Variants in ADAM9 observed in about 807,000 individuals in gnomAD.
ADAM9 encodes ADAM metallopeptidase domain 9, also known as disintegrin and metalloproteinase domain-containing protein 9.
Under a neutral mutation model 108.1 loss-of-function variants are expected in ADAM9, and 54 were observed. The observed-to-expected ratio is 0.50, with a 90% CI of 0.40 to 0.63. The LOEUF (loss-of-function observed/expected upper bound fraction) is 0.63, where lower values mean the gene tolerates loss of function less well. Among genes scored for constraint, ADAM9 ranks in the 20% least tolerant of loss-of-function variants. The pLI is 0.00. For missense variants in ADAM9, 830 were observed against 997.7 expected (o/e 0.83, Z 2.26); for synonymous variants, 316 against 336.0 (o/e 0.94, Z 0.65).
intron 14 of ADAM9, among the ~76,000 whole-genome samples, chr8:39,060,940 A>G (rs1316076697): frequency 6.6e-6 from 1 of 152,232 alleles, no homozygotes; most frequent in Non-Finnish European, 1.5e-5. Flanking sequence ...ACCATGTATT[A>G]GGGGATGTGT....
At chr8:39,014,281 C>A in intron 4 of ADAM9, 1 of 561,698 alleles carries the variant, frequency 1.8e-6, no homozygotes, top group Non-Finnish European at 3.1e-6. Context: ...GAAAATAAAT[C>A]TTCTATTTAA....
At chr8:39,051,097 C>G (rs899794053) in intron 12 of ADAM9, among the ~76,000 whole-genome samples, 1 of 152,088 alleles carries the variant, frequency 6.6e-6, no homozygotes, top group Admixed American at 6.5e-5. Flanking sequence ...CTAGTTTAAC[C>G]TACTACCTTT....
chr8:39,042,924 T>C lies in ADAM9; in HGVS notation c.1302+807T>C, dbSNP rs561498084. ...TGATCGGCAGCTCCCCATTTTCCATTCCACAAGCCCCTGACCACCACTATT... is the reference window on the plus strand; with the variant it reads ...TGATCGGCAGCTCCCCATTTTCCATCCCACAAGCCCCTGACCACCACTATT... On this transcript the variant is annotated intron_variant, in intron 12 of 21. Coordinates refer to ENST00000487273, the MANE Select transcript of ADAM9 (RefSeq NM_003816.3). Among the ~76,000 whole-genome samples, 880 of 152,252 alleles carry C rather than the reference T, an allele frequency of 5.8e-3. 7 individuals are homozygous for C. The highest frequency in any genetic ancestry group is 9.6e-3 in the Non-Finnish European group (650 of 67,988).
chr8:39,012,059 A>G (rs1287942848), intron 3 of ADAM9, among the ~76,000 whole-genome samples: 3 of 152,344 alleles, frequency 2.0e-5, no homozygotes, highest in African/African-American at 4.8e-5. Context: ...GGCTACTTCT[A>G]TGCCTACTCA....
intron 11 of ADAM9, among the ~76,000 whole-genome samples, chr8:39,028,200 T>G (rs1405000642): frequency 2.6e-5 from 4 of 152,220 alleles, no homozygotes; most frequent in Non-Finnish European, 2.9e-5. Context: ...TAAAAACTTC[T>G]GTCAACCAGC....
At chr8:39,002,094 G>A (rs999997450) in intron 1 of ADAM9, among the ~76,000 whole-genome samples, 1 of 149,312 alleles carries the variant, frequency 6.7e-6, no homozygotes, top group African/African-American at 2.5e-5. Flanking sequence ...CTATTATATG[G>A]CTCGAAATAA....
Position 39,073,180 on chromosome 8 carries a change from A to G in ADAM9, c.1697+1777A>G, listed in dbSNP as rs546941515. 3.9e-5 allele frequency among the ~76,000 whole-genome samples: 6 copies of G among 152,338 alleles called. No homozygotes were observed. The South Asian group carries it at 1.0e-3, about 26-fold the overall frequency. Reference sequence around the variant, plus strand: ...TAGAGATGTTATTCTATAAATGTCAAGTTAATAGTCTTATTCAAATATTTC... The same window carrying G: ...TAGAGATGTTATTCTATAAATGTCAGGTTAATAGTCTTATTCAAATATTTC... On this transcript the variant is annotated intron_variant, in intron 15 of 21. Coordinates refer to ENST00000487273, the MANE Select transcript of ADAM9 (RefSeq NM_003816.3).
intron 6 of ADAM9, among the ~76,000 whole-genome samples, chr8:39,017,618 C>T (rs6991470): frequency 0.042 from 6,339 of 152,032 alleles, 454 homozygotes; most frequent in African/African-American, 0.15. Context: ...CAGTTTAGAT[C>T]CTGTGGGTTT....
At chr8:39,027,656 C>T (rs920419835) in intron 11 of ADAM9, among the ~76,000 whole-genome samples, 1 of 152,140 alleles carries the variant, frequency 6.6e-6, no homozygotes, top group Non-Finnish European at 1.5e-5. Context: ...AATGCAGATT[C>T]GTTGTAATGC....
intron 1 of ADAM9, among the ~76,000 whole-genome samples, chr8:39,007,044 G>A (rs1285369914): frequency 1.3e-5 from 2 of 152,190 alleles, no homozygotes; most frequent in African/African-American, 4.8e-5. Flanking sequence ...ATAAAGAAAA[G>A]AGGTTTATTT....
intron 18 of ADAM9, among the ~76,000 whole-genome samples, chr8:39,086,617 A>G (rs1246822895): frequency 1.3e-5 from 2 of 152,022 alleles, no homozygotes; most frequent in East Asian, 1.9e-4. Context: ...CTCAGTTTTG[A>G]TATTTTTCCC....
Position 39,091,299 on chromosome 8 carries a change from G to A in ADAM9, c.2251G>A (p.Gly751Arg), listed in dbSNP as rs1407413652. 1 of 1,614,100 alleles carries A rather than the reference G, an allele frequency of 6.2e-7. No individual in the cohort carries two copies. Residue 751 changes from glycine (G) to arginine (R), a missense_variant, in exon 20 of 22, where the codon GGG (glycine) becomes AGG (arginine). Gly to Arg is a moderately radical substitution (Grantham distance 125). Transcript: ENST00000487273. ...KNQANPSRQP[G>R]SVPRHVSPVT... ...TCAAGCAAACCCTTCTAGACAGCCG[G>A]GGAGTGTTCCTCGACATGTTTCTCC...
At chr8:39,032,927 T>C (rs1837145026) in intron 11 of ADAM9, among the ~76,000 whole-genome samples, 1 of 152,228 alleles carries the variant, frequency 6.6e-6, no homozygotes, top group Non-Finnish European at 1.5e-5. Context: ...TGCCACCCCA[T>C]GTAAACTTTA....
chr8:39,100,043 G>C (rs1839638756), intron 20 of ADAM9, among the ~76,000 whole-genome samples: 1 of 151,514 alleles, frequency 6.6e-6, no homozygotes, highest in South Asian at 2.1e-4. Context: ...TCATGCCCGG[G>C]TGATTTTTTT....
rs1424785566 is a variant in ADAM9, at chr8:39,103,907, A to G, written c.*207A>G. The G allele has an allele frequency of 7.2e-6, 5 of 691,466 alleles. No individual in the cohort carries two copies. Among genetic ancestry groups the G allele is most frequent in the East Asian group, 2.8e-5 (1 of 36,342 alleles). 42.8% of individuals were successfully genotyped at this position (691,466 alleles called of 1,614,324 possible). A position where few individuals can be genotyped will look rare whatever the true frequency, so the allele number is the denominator to read the frequency against. On this transcript the variant is annotated 3_prime_UTR_variant, in exon 22 of 22. Coordinates refer to ENST00000487273, the MANE Select transcript of ADAM9 (RefSeq NM_003816.3). ...ATGCAGTAAAGCCAGGGAATTTACA[A>G]TAACATTTCCGTTTCCATCATTGAA...
intron 15 of ADAM9, among the ~76,000 whole-genome samples, chr8:39,075,081 A>G (rs568319213): frequency 8.6e-5 from 13 of 151,728 alleles, no homozygotes; most frequent in African/African-American, 3.1e-4. Context: ...TAAGTTTTGT[A>G]TTTTTAGTAG....
chr8:39,068,550 C>T (rs1291626757), intron 14 of ADAM9, among the ~76,000 whole-genome samples: 1 of 151,432 alleles, frequency 6.6e-6, no homozygotes, highest in East Asian at 1.9e-4. Flanking sequence ...TGGCGGGCAC[C>T]TGTAATCCCA....
chr8:39,014,651 C>A, intron 4 of ADAM9: 1 of 694,624 alleles, frequency 1.4e-6, no homozygotes, highest in South Asian at 1.5e-5. Flanking sequence ...TCCTTTTTGG[C>A]AGTTAGGTAT....
chr8:39,035,281 C>G (rs1284258278), intron 11 of ADAM9, among the ~76,000 whole-genome samples: 2 of 151,986 alleles, frequency 1.3e-5, no homozygotes, highest in South Asian at 4.1e-4. Flanking sequence ...ATGTCTGGTT[C>G]TTTTTCAAAT....
Sources: gnomAD v4.1 joint callset for allele counts (sites outside exome capture counted in the v4.1 genomes callset) on GRCh38, gnomAD v4.1.1 for gene constraint, MANE v1.5 for transcripts, NCBI Gene and HGNC (gene_info 2026-07-23, HGNC 2026-07-21) for gene names.